The following RGS17 variants were observed in gnomAD, a reference collection of about 807,000 sequenced individuals.
The protein encoded by RGS17 is regulator of G protein signaling 17.
RGS17 carries 12 observed loss-of-function variants against 25.5 expected under a neutral mutation model. The observed-to-expected ratio is 0.47, with a 90% CI of 0.30 to 0.76. The LOEUF is 0.76. Ranked by LOEUF, RGS17 falls within the 30% of genes least tolerant of loss-of-function variation. The pLI is 0.07. For missense variants in RGS17, 196 were observed against 242.2 expected (o/e 0.81, Z 1.27); for synonymous variants, 71 against 76.9 (o/e 0.92, Z 0.40).
intron 1 of RGS17, among the ~76,000 whole-genome samples, chr6:153,094,846 G>A (rs2129122258): frequency 1.3e-5 from 2 of 152,118 alleles, no homozygotes; most frequent in Middle Eastern, 6.8e-3. Flanking sequence ...TTTTATCAAT[G>A]AAAGCTCTAT....
chr6:153,120,947 A>G (rs1018828694), intron 1 of RGS17, among the ~76,000 whole-genome samples: 1 of 152,188 alleles, frequency 6.6e-6, no homozygotes, highest in African/African-American at 2.4e-5. Flanking sequence ...TTTAAAATTA[A>G]TCTCATGCTG....
chr6:153,070,992 T>C (rs934541899), intron 1 of RGS17, among the ~76,000 whole-genome samples: 1 of 150,636 alleles, frequency 6.6e-6, no homozygotes, highest in South Asian at 2.1e-4. Flanking sequence ...CATGTGTGTA[T>C]ATATGTACAT....
At position 153,059,475 on chromosome 6, in the gene RGS17, G is replaced by A. The variant is rs537409043; in HGVS notation, c.-25-15432C>T. On this transcript the variant is annotated intron_variant, in intron 1 of 4. Transcript: ENST00000206262. ...TGCCCTTTAGGGGGTACTGGCTCTG[G>A]AGTAAGAGAGATCTGGAATTGAATC... is the stretch of plus-strand genomic sequence containing the variant. Among the ~76,000 whole-genome samples, 21 of 152,294 alleles carry A rather than the reference G, an allele frequency of 1.4e-4. 1 individual carries two copies. In the South Asian group the frequency reaches 4.1e-3, roughly 30 times the overall value.
rs563677513 is a variant in RGS17, at chr6:153,126,746, G to A, written c.-26+4378C>T. ...GCAAGAACTAGCTGTTCTAAGCATC[G>A]TGCCCAAAGGAGAAACTGCAATAGA... On this transcript the variant is annotated intron_variant, in intron 1 of 4. Transcript: ENST00000206262. Among the ~76,000 whole-genome samples the A allele has an allele frequency of 7.2e-5, 11 of 152,186 alleles. No homozygotes were observed. The South Asian group carries it at 8.3e-4, about 11-fold the overall frequency.
chr6:153,035,150 T>TCA (rs1554236587), intron 2 of RGS17, among the ~76,000 whole-genome samples: 3 of 26,822 alleles, frequency 1.1e-4, no homozygotes, highest in South Asian at 1.3e-3. Flanking sequence ...CAAGACTCTC[T>TCA]CACAAAAAAA....
At chr6:153,110,749 T>C (rs942834470) in intron 1 of RGS17, among the ~76,000 whole-genome samples, 7 of 152,122 alleles carry the variant, frequency 4.6e-5, no homozygotes, top group African/African-American at 9.7e-5. Flanking sequence ...GCTCATCTCA[T>C]TGCGACTGCT....
intron 2 of RGS17, among the ~76,000 whole-genome samples, chr6:153,038,226 C>T (rs1300777780): frequency 6.6e-6 from 1 of 152,198 alleles, no homozygotes; most frequent in Non-Finnish European, 1.5e-5. Flanking sequence ...ACAATTTCTT[C>T]CTCCTGGCTT....
Position 153,008,973 on chromosome 6 carries a change from T to C in RGS17, c.*2601A>G, listed in dbSNP as rs1779104997. 2 of 152,162 alleles carry C rather than the reference T, an allele frequency of 1.3e-5. No individual in the cohort carries two copies. The highest frequency in any genetic ancestry group is 4.8e-5 in the African/African-American group (2 of 41,458). The allele number at this position is 152,162 out of a possible 1,614,324, so 9.4% of individuals were successfully genotyped here. The stretch of plus-strand genomic sequence containing the variant: ...CGAGTTTAGCACAGAAATGCTCACA[T>C]AGCATGGTTATCAACATCTGATGTG... On this transcript the variant is annotated 3_prime_UTR_variant, in exon 5 of 5. Coordinates refer to ENST00000206262, the MANE Select transcript of RGS17 (RefSeq NM_012419.5).
chr6:153,115,265 C>A (rs914159699), intron 1 of RGS17, among the ~76,000 whole-genome samples: 1 of 152,156 alleles, frequency 6.6e-6, no homozygotes, highest in African/African-American at 2.4e-5. Context: ...GCAAAAATCA[C>A]AAACATTCCT....
intron 2 of RGS17, among the ~76,000 whole-genome samples, chr6:153,028,540 ATGAG>A (rs1313386197): frequency 6.6e-6 from 1 of 152,178 alleles, no homozygotes; most frequent in Non-Finnish European, 1.5e-5. Context: ...AGATTCATGA[ATGAG>A]TAAGAAAGTT....
At chr6:153,073,600 C>G (rs1053587125) in intron 1 of RGS17, among the ~76,000 whole-genome samples, 2 of 152,082 alleles carry the variant, frequency 1.3e-5, no homozygotes, top group Non-Finnish European at 1.5e-5. Context: ...CATGCAGGCA[C>G]AAGGAGAGAA....
In RGS17 at chr6:153,024,331, G is replaced by T; in HGVS notation, c.375C>A (p.Asn125Lys). ...LACEDLKKEQ[N>K]KKVIEEKARM... Reference sequence around the variant, plus strand: ...TAGCCTTTTCTTCAATTACTTTTTTGTTCTGCTCCTTCTTTAAGTCTTCAC... The same window carrying T: ...TAGCCTTTTCTTCAATTACTTTTTTTTTCTGCTCCTTCTTTAAGTCTTCAC... The change falls in exon 4 of 5, where the codon AAC (asparagine) becomes AAA (lysine). Residue 125 changes from asparagine (N) to lysine (K), a missense_variant. Physicochemically the swap from Asn to Lys is moderately conservative, Grantham distance 94 (BLOSUM62 0). This residue lies in a region of RGS17 where 179 missense variants were observed against 197.6 expected (regional missense o/e 0.91). Coordinates refer to ENST00000206262, the MANE Select transcript of RGS17 (RefSeq NM_012419.5). The T allele has an allele frequency of 3.1e-6, 5 of 1,613,878 alleles. No individual in the cohort carries two copies. Among genetic ancestry groups the T allele is most frequent in the Non-Finnish European group, 4.2e-6 (5 of 1,179,880 alleles).
intron 2 of RGS17, among the ~76,000 whole-genome samples, chr6:153,040,673 T>C (rs1346007987): frequency 6.6e-6 from 1 of 152,072 alleles, no homozygotes; most frequent in Non-Finnish European, 1.5e-5. Flanking sequence ...GCCTGGAAAA[T>C]CTGAAGAACA....
chr6:153,029,738 C>T (rs560065039), intron 2 of RGS17, among the ~76,000 whole-genome samples: 3 of 152,084 alleles, frequency 2.0e-5, no homozygotes, highest in Admixed American at 1.3e-4. Context: ...TTACAGGCAC[C>T]CGCCACCATG....
At chr6:153,086,749 CAT>C (rs1357385628) in intron 1 of RGS17, among the ~76,000 whole-genome samples, 2 of 152,172 alleles carry the variant, frequency 1.3e-5, no homozygotes, top group Non-Finnish European at 2.9e-5. Context: ...CTAGACTAAA[CAT>C]ACACACACAT....
rs916654460 is a variant in RGS17 at position 153,006,431 on chromosome 6, A to G, written c.*5143T>C. On this transcript the variant is annotated 3_prime_UTR_variant, in exon 5 of 5. Transcript: ENST00000206262. ...TCCATTTATCATCTATCTATCATCTATCTATCAATCATCTATCTATCTATG... is the reference window on the plus strand; with the variant it reads ...TCCATTTATCATCTATCTATCATCTGTCTATCAATCATCTATCTATCTATG... The G allele has an allele frequency of 6.6e-5, 10 of 152,524 alleles. No individual in the cohort carries two copies. Among genetic ancestry groups the G allele is most frequent in the Admixed American group, 1.3e-4 (2 of 15,262 alleles). 9.4% of individuals were successfully genotyped at this position (152,524 alleles called of 1,614,324 possible).
chr6:153,047,302 TAA>T (rs1263235462), intron 1 of RGS17, among the ~76,000 whole-genome samples: 1 of 152,174 alleles, frequency 6.6e-6, no homozygotes, highest in African/African-American at 2.4e-5. Context: ...CTGGCTAAAA[TAA>T]AAGTCTATGT....
chr6:153,114,749 T>C (rs1777520143), intron 1 of RGS17, among the ~76,000 whole-genome samples: 1 of 152,164 alleles, frequency 6.6e-6, no homozygotes, highest in Admixed American at 6.5e-5. Flanking sequence ...GACAGCTTCA[T>C]CCCTGGGATG....
intron 1 of RGS17, among the ~76,000 whole-genome samples, chr6:153,094,845 T>C (rs1283187721): frequency 1.3e-5 from 2 of 152,176 alleles, no homozygotes; most frequent in Non-Finnish European, 2.9e-5. Flanking sequence ...GTTTTATCAA[T>C]GAAAGCTCTA....
Sources: gnomAD v4.1 joint callset for allele counts (sites outside exome capture counted in the v4.1 genomes callset) on GRCh38, gnomAD v4.1.1 for gene constraint, gnomAD v4.1.1 regional missense constraint, MANE v1.5 for transcripts, NCBI Gene and HGNC (gene_info 2026-07-23, HGNC 2026-07-21) for gene names.